SERINC5: variants seen among roughly 807,000 people sequenced by gnomAD.
SERINC5 encodes serine incorporator 5, also known as chromosome 5 open reading frame 12.
SERINC5 carries 41 observed loss-of-function variants against 63.1 expected under a neutral mutation model. That is an observed-to-expected ratio of 0.65 (90% CI 0.51 to 0.84). SERINC5 has a LOEUF of 0.84. SERINC5 is among the 40% of genes least tolerant of loss of function. The pLI is 0.00. For synonymous variants in SERINC5, 222 were observed against 215.2 expected (o/e 1.03, Z -0.28); for missense variants, 523 against 573.0 (o/e 0.91, Z 0.89).
chr5:80,214,983 A>ATT (rs1750600790), intron 1 of SERINC5, among the ~76,000 whole-genome samples: 2 of 152,174 alleles, frequency 1.3e-5, no homozygotes, highest in South Asian at 4.1e-4. Flanking sequence ...GTAAAACTTT[A>ATT]TAGAGTTTAA....
At chr5:80,170,948 C>G (rs1413057968) in intron 5 of SERINC5, among the ~76,000 whole-genome samples, 1 of 152,144 alleles carries the variant, frequency 6.6e-6, no homozygotes, top group African/African-American at 2.4e-5. Context: ...ATGAAGGCTG[C>G]TATGAGCCAT....
At chr5:80,206,896 G>C in intron 1 of SERINC5, among the ~76,000 whole-genome samples, 1 of 146,084 alleles carries the variant, frequency 6.8e-6, no homozygotes, top group East Asian at 2.1e-4. Flanking sequence ...TAATGCTCCT[G>C]CCTCAGCCTT....
chr5:80,147,378 G>A, intron 9 of SERINC5, 94 bp from the exon 10 acceptor site: 1 of 1,296,714 alleles, frequency 7.7e-7, no homozygotes, highest in Non-Finnish European at 1.1e-6. Flanking sequence ...CCACCTCCCA[G>A]GCCCTTCAAA....
chr5:80,247,889 C>A (rs1188215855), intron 1 of SERINC5, among the ~76,000 whole-genome samples: 6 of 152,138 alleles, frequency 3.9e-5, no homozygotes, highest in African/African-American at 1.2e-4. Context: ...ACTCTGTCAC[C>A]CAGGCTGGAG....
At chr5:80,207,939 GC>G (rs1416140035) in intron 1 of SERINC5, among the ~76,000 whole-genome samples, 2 of 152,160 alleles carry the variant, frequency 1.3e-5, no homozygotes, top group Admixed American at 1.3e-4. Context: ...TTCTGGAGGA[GC>G]ATACCTTTGA....
At chr5:80,173,716 A>AGC (rs1747832371) in intron 5 of SERINC5, among the ~76,000 whole-genome samples, 1 of 151,866 alleles carries the variant, frequency 6.6e-6, no homozygotes, top group Admixed American at 6.6e-5. Context: ...AGGAGGATCC[A>AGC]GCTCCTTGCT....
In SERINC5 at chr5:80,143,233, T is replaced by C; in HGVS notation, c.*430A>G. 4.0e-6 allele frequency: 4 copies of C among 990,362 alleles called. No homozygotes were observed. The highest frequency in any genetic ancestry group is 4.8e-6 in the Non-Finnish European group (4 of 833,286). 61.3% of individuals were successfully genotyped at this position (990,362 alleles called of 1,614,324 possible). ...GGGACAAGGCTCTAAGAGGCGGAAG[T>C]GAGTGAGAGGGGTCTGGATTCTGTT... is the stretch of plus-strand genomic sequence containing the variant. On this transcript the variant is annotated 3_prime_UTR_variant, in exon 12 of 12. Transcript: ENST00000507668.
intron 1 of SERINC5, among the ~76,000 whole-genome samples, chr5:80,239,442 T>C (rs1457938008): frequency 6.6e-6 from 1 of 151,782 alleles, no homozygotes; most frequent in Non-Finnish European, 1.5e-5. Context: ...ATTTTCAGTT[T>C]ATGGTTTGGG....
intron 8 of SERINC5, among the ~76,000 whole-genome samples, chr5:80,154,249 G>A (rs1480149676): frequency 6.6e-6 from 1 of 151,612 alleles, no homozygotes; most frequent in African/African-American, 2.4e-5. Flanking sequence ...GCTCGATGTC[G>A]GCTCACCACA....
intron 1 of SERINC5, among the ~76,000 whole-genome samples, chr5:80,205,387 A>C (rs555682298): frequency 1.9e-4 from 29 of 152,364 alleles, no homozygotes; most frequent in Admixed American, 3.9e-4. Flanking sequence ...GGAACCTGTC[A>C]AAATCCATGA....
chr5:80,148,124 C>T (rs1381511902), intron 9 of SERINC5, among the ~76,000 whole-genome samples: 2 of 151,434 alleles, frequency 1.3e-5, no homozygotes, highest in East Asian at 3.9e-4. Flanking sequence ...TTGCACGGGC[C>T]GTGGGCAGGG....
intron 1 of SERINC5, among the ~76,000 whole-genome samples, chr5:80,208,368 C>T (rs1174494208): frequency 2.1e-5 from 2 of 97,306 alleles, no homozygotes; most frequent in Non-Finnish European, 4.4e-5. Flanking sequence ...CCTAAAACTG[C>T]TCTAAAAAAA....
intron 2 of SERINC5, among the ~76,000 whole-genome samples, chr5:80,194,962 T>C (rs567531340): frequency 6.6e-6 from 1 of 152,272 alleles, no homozygotes; most frequent in South Asian, 2.1e-4. Context: ...TTTGTTAAGA[T>C]GACCACTTAG....
intron 7 of SERINC5, among the ~76,000 whole-genome samples, chr5:80,160,992 G>A (rs147179200): frequency 0.01 from 1,402 of 137,332 alleles, 21 homozygotes; most frequent in African/African-American, 0.046. Flanking sequence ...GTGTGTATAT[G>A]TATATATATA....
chr5:80,125,461 G>C (rs1744712228), intron 11 of SERINC5, among the ~76,000 whole-genome samples: 2 of 152,156 alleles, frequency 1.3e-5, no homozygotes, highest in African/African-American at 4.8e-5. Context: ...CACTGTCAAG[G>C]AAAGGCATTT....
At chr5:80,156,701 T>C (rs1161078797) in intron 8 of SERINC5, among the ~76,000 whole-genome samples, 2 of 152,190 alleles carry the variant, frequency 1.3e-5, no homozygotes, top group Non-Finnish European at 2.9e-5. Flanking sequence ...ACTTTGAAAA[T>C]TGACATCTTT....
In SERINC5 at chr5:80,177,879, T is replaced by C. The variant is rs756552204; in HGVS notation, c.374+7A>G. ...AAAGCAATCCCCAAGAAGACTAAAA[T>C]ACTTACCCATTGTGAATATGAGCTC... On this transcript the variant is annotated splice_region_variant and intron_variant, in intron 3 of 11. Transcript: ENST00000507668. 5.0e-6 allele frequency: 8 copies of C among 1,600,676 alleles called. No homozygotes were observed. In the South Asian group the frequency reaches 9.0e-5, roughly 18 times the overall value.
chr5:80,235,561 A>G (rs1190100168), intron 1 of SERINC5, among the ~76,000 whole-genome samples: 1 of 151,960 alleles, frequency 6.6e-6, no homozygotes, highest in Non-Finnish European at 1.5e-5. Context: ...TTGCCAATGA[A>G]AACTCTCTCA....
At position 80,127,936 on chromosome 5, in the gene SERINC5, G is replaced by A. The variant is rs868754092; in HGVS notation, c.1239-14311C>T. On this transcript the variant is annotated intron_variant, in intron 11 of 12. Coordinates refer to the SERINC5 transcript ENST00000509193. ...ACTGAAAACATACTGAACTTAAAAA[G>A]TTTAACCTTACAAATTTAATAAATT... Among the ~76,000 whole-genome samples the A allele has an allele frequency of 2.6e-4, 40 of 151,914 alleles. 2 individuals carry two copies. The highest frequency in any genetic ancestry group is 6.8e-3 in the Middle Eastern group (2 of 294).
Sources: allele counts gnomAD v4.1 joint callset (sites outside exome capture counted in the v4.1 genomes callset), GRCh38; gene constraint gnomAD v4.1.1; transcripts MANE v1.5; gene names NCBI Gene and HGNC (gene_info 2026-07-23, HGNC 2026-07-21).